RYR3: variants seen among roughly 807,000 people sequenced by gnomAD.
RYR3 encodes the protein ryanodine receptor 3.
RYR3 carries 207 observed loss-of-function variants against 584.3 expected under a neutral mutation model. The ratio of observed to expected loss-of-function variants is 0.35; its 90% confidence interval spans 0.32 to 0.40. The LOEUF is 0.40. RYR3 is among the 10% of genes least tolerant of loss of function. The pLI is 1.00. For missense variants in RYR3, 5,616 were observed against 6,089.2 expected (o/e 0.92, Z 2.59); for synonymous variants, 2,416 against 2,248.5 (o/e 1.07, Z -2.11).
At chr15:33,824,670 C>T (rs2077281870) in intron 81 of RYR3, among the ~76,000 whole-genome samples, 1 of 152,136 alleles carries the variant, frequency 6.6e-6, no homozygotes, top group Non-Finnish European at 1.5e-5. Flanking sequence ...ACCTAAATCA[C>T]AAAACATGTG....
intron 43 of RYR3, among the ~76,000 whole-genome samples, chr15:33,707,336 G>A (rs552799371): frequency 3.3e-5 from 5 of 152,102 alleles, no homozygotes; most frequent in African/African-American, 4.8e-5. Context: ...TCTCTGCACT[G>A]TAAAAGGGGG....
intron 31 of RYR3, among the ~76,000 whole-genome samples, chr15:33,650,351 T>G (rs1189799639): frequency 6.6e-6 from 1 of 152,088 alleles, no homozygotes; most frequent in Non-Finnish European, 1.5e-5. Context: ...CACTCCATCC[T>G]GGCAACAGAG....
chr15:33,673,262 T>G (rs918467138), intron 38 of RYR3, among the ~76,000 whole-genome samples: 1 of 152,252 alleles, frequency 6.6e-6, no homozygotes, highest in Admixed American at 6.5e-5. Flanking sequence ...AAGGTGGTGG[T>G]GGGCTCACCC....
At chr15:33,371,127 C>A (rs980518892) in intron 1 of RYR3, among the ~76,000 whole-genome samples, 10 of 152,102 alleles carry the variant, frequency 6.6e-5, no homozygotes, top group African/African-American at 2.4e-4. Context: ...CTCATGTAAA[C>A]CTGGTAACAG....
At position 33,613,239 on chromosome 15, in the gene RYR3, G is replaced by A. The variant is rs747480589; in HGVS notation, c.2221G>A (p.Val741Met). ...CCAGCACCTCCTGAGATCGGATGACGTGGTAAGCTGCTGCCTGGACCTCGG... is the reference window on the plus strand; with the variant it reads ...CCAGCACCTCCTGAGATCGGATGACATGGTAAGCTGCTGCCTGGACCTCGG... ...INQHLLRSDDVVSCCLDLGVP... is the reference protein window; with the variant it reads ...INQHLLRSDDMVSCCLDLGVP... Residue 741 changes from valine to methionine, a missense_variant, in exon 19 of 104, where the codon GTG becomes ATG. Val to Met is a conservative substitution (Grantham distance 21). Around this residue, in one of 9 missense-constraint regions of RYR3, gnomAD observed 1,284 missense variants for 1,344.6 expected, o/e 0.95. Transcript: ENST00000634891. 6.8e-6 allele frequency: 11 copies of A among 1,613,806 alleles called. No homozygotes were observed. Among genetic ancestry groups the A allele is most frequent in the East Asian group, 2.2e-5 (1 of 44,878 alleles).
At chr15:33,523,288 G>A (rs982891865) in intron 3 of RYR3, among the ~76,000 whole-genome samples, 1 of 152,206 alleles carries the variant, frequency 6.6e-6, no homozygotes, top group Non-Finnish European at 1.5e-5. Flanking sequence ...CTTCCACGCA[G>A]TGGAAGCTTT....
chr15:33,699,901 G>A, intron 41 of RYR3, 68 bp downstream of exon 41: 2 of 1,510,998 alleles, frequency 1.3e-6, no homozygotes, highest in South Asian at 2.4e-5. Context: ...TGACCACTTA[G>A]GAAAATACAG....
In RYR3 at chr15:33,838,751, G is replaced by A. The variant is rs2078186087; in HGVS notation, c.12771G>A (p.Glu4257=). ...AGGCTGAGAGGGCAGAGGTGATGGA[G>A]CCAGGTATCACCACTGAACTAGTAC... ...TMEAERAEVM[E]PGITTELVHF... is the part of the protein sequence containing the mutation. The change falls in exon 89 of 104, where the codon GAG becomes GAA. Residue 4257 remains glutamate (E), a synonymous_variant. Transcript: ENST00000634891. 6.2e-7 allele frequency: 1 copy of A among 1,613,798 alleles called. No individual in the cohort carries two copies. The highest frequency in any genetic ancestry group is 1.3e-5 in the African/African-American group (1 of 74,894).
At chr15:33,765,128 G>C (rs2072903094) in intron 60 of RYR3, among the ~76,000 whole-genome samples, 1 of 150,956 alleles carries the variant, frequency 6.6e-6, no homozygotes, top group African/African-American at 2.4e-5. Flanking sequence ...ATTCCTAATA[G>C]GAAAAAAATT....
At chr15:33,440,442 C>T (rs1043797142) in intron 1 of RYR3, among the ~76,000 whole-genome samples, 7 of 152,160 alleles carry the variant, frequency 4.6e-5, no homozygotes, top group African/African-American at 1.7e-4. Flanking sequence ...GGCTTCCAAC[C>T]AGGTGTGATT....
intron 1 of RYR3, among the ~76,000 whole-genome samples, chr15:33,322,423 T>C (rs1969094626): frequency 1.3e-5 from 2 of 152,072 alleles, no homozygotes; most frequent in African/African-American, 4.8e-5. Context: ...ATCCCCTTTA[T>C]CATGAGGACA....
chr15:33,765,060 C>G (rs11638623), intron 60 of RYR3, among the ~76,000 whole-genome samples: 59,955 of 141,314 alleles, frequency 0.42, 12,710 homozygotes, highest in South Asian at 0.52. Context: ...AGACATCATA[C>G]AAGTCCTGAT....
chr15:33,560,569 T>C (rs2057346304), intron 10 of RYR3, among the ~76,000 whole-genome samples: 1 of 152,160 alleles, frequency 6.6e-6, no homozygotes, highest in South Asian at 2.1e-4. Flanking sequence ...TAGAAATCAA[T>C]GTAATTATTC....
At chr15:33,522,599 G>C (rs1018554163) in intron 3 of RYR3, among the ~76,000 whole-genome samples, 1 of 152,216 alleles carries the variant, frequency 6.6e-6, no homozygotes, top group South Asian at 2.1e-4. Flanking sequence ...AGGAGGTAGA[G>C]AGAATCTTTG....
chr15:33,527,552 C>T (rs1480871560), intron 3 of RYR3, among the ~76,000 whole-genome samples: 1 of 150,614 alleles, frequency 6.6e-6, no homozygotes, highest in African/African-American at 2.4e-5. Flanking sequence ...CCACTGCACA[C>T]CAGCCTGGGC....
At chr15:33,497,180 A>G (rs1415713655) in intron 2 of RYR3, among the ~76,000 whole-genome samples, 2 of 152,134 alleles carry the variant, frequency 1.3e-5, no homozygotes, top group African/African-American at 2.4e-5. Context: ...CTCTGCTGAC[A>G]TCTGCAGAGA....
At chr15:33,639,399 A>G (rs2061674007) in intron 27 of RYR3, among the ~76,000 whole-genome samples, 1 of 152,246 alleles carries the variant, frequency 6.6e-6, no homozygotes, top group Non-Finnish European at 1.5e-5. Flanking sequence ...GGAAGTCGAC[A>G]TGCCATTCTT....
chr15:33,390,402 A>G lies in RYR3; in HGVS notation c.51+79306A>G, dbSNP rs531384795. Among the ~76,000 whole-genome samples the G allele has an allele frequency of 1.3e-5, 2 of 152,330 alleles. No homozygotes were observed. The highest frequency in any genetic ancestry group is 4.8e-5 in the African/African-American group (2 of 41,562). Reference sequence around the variant, plus strand: ...TCCAAACACTGATATTTCCAAACTGATATTTGCAGGACCAAGCCACTGCAA... The same window carrying G: ...TCCAAACACTGATATTTCCAAACTGGTATTTGCAGGACCAAGCCACTGCAA... On this transcript the variant is annotated intron_variant, in intron 1 of 103. Transcript: ENST00000634891. The surrounding 1 kb of genome is among the most constrained non-coding windows in gnomAD (Gnocchi z 4.2).
chr15:33,622,496 C>G (rs2060777149), intron 19 of RYR3, among the ~76,000 whole-genome samples: 1 of 152,184 alleles, frequency 6.6e-6, no homozygotes. Context: ...TTTTAAAACC[C>G]CATCAGATGT....
Sources: allele counts gnomAD v4.1 joint callset (sites outside exome capture counted in the v4.1 genomes callset), GRCh38; gene constraint gnomAD v4.1.1; regional missense constraint gnomAD v4.1.1; non-coding constraint Gnocchi (gnomAD v3.1); transcripts MANE v1.5; gene names NCBI Gene and HGNC (gene_info 2026-07-23, HGNC 2026-07-21).